The following USP38 variants were observed in gnomAD, a reference collection of about 807,000 sequenced individuals.
USP38 encodes ubiquitin carboxyl-terminal hydrolase 38.
USP38 carries 49 observed loss-of-function variants against 94.3 expected under a neutral mutation model. The observed-to-expected ratio is 0.52, with a 90% confidence interval of 0.41 to 0.66. The LOEUF (loss-of-function observed/expected upper bound fraction) is 0.66, where lower values mean the gene tolerates loss of function less well. Ranked by LOEUF, USP38 falls within the 30% of genes least tolerant of loss-of-function variation. USP38 has a pLI of 0.00. For synonymous variants in USP38, 468 were observed against 463.6 expected (o/e 1.01, Z -0.12); for missense variants, 1,128 against 1,229.4 (o/e 0.92, Z 1.23).
At chr4:143,209,498 A>G in intron 6 of USP38, 66 bp from the exon 7 acceptor site, 2 of 1,037,210 alleles carry the variant, frequency 1.9e-6, no homozygotes, top group Non-Finnish European at 2.8e-6. Flanking sequence ...TCAAAAAAAA[A>G]AAAAGCTTTT....
In USP38 at chr4:143,203,434, T is replaced by G. The variant is rs768885693; in HGVS notation, c.1077T>G (p.Val359=). The G allele has an allele frequency of 1.4e-5, 22 of 1,612,620 alleles. No homozygotes were observed. Among genetic ancestry groups the G allele is most frequent in the Non-Finnish European group, 1.7e-5 (20 of 1,179,350 alleles). Reference sequence around the variant, plus strand: ...TTGTTCCTCATGTGGTTAATTTGGTTCATTCTTTCAAAAATGATGGTCTGC... The same window carrying G: ...TTGTTCCTCATGTGGTTAATTTGGTGCATTCTTTCAAAAATGATGGTCTGC... The part of the protein sequence containing the change: ...HLIVPHVVNL[V]HSFKNDGLPS... The change falls in exon 5 of 10, where the codon GTT becomes GTG. Residue 359 remains valine, a synonymous_variant. Transcript: ENST00000307017.
intron 2 of USP38, among the ~76,000 whole-genome samples, chr4:143,190,142 G>A (rs560502602): frequency 1.3e-5 from 2 of 152,104 alleles, no homozygotes; most frequent in Non-Finnish European, 2.9e-5. Context: ...CTTTCTCTTT[G>A]GGATGAATGT....
chr4:143,188,865 A>G (rs891025735), intron 2 of USP38, among the ~76,000 whole-genome samples: 4 of 152,112 alleles, frequency 2.6e-5, no homozygotes, highest in African/African-American at 7.2e-5. Context: ...AGATGTTTAA[A>G]TGTAGAAATG....
intron 7 of USP38, among the ~76,000 whole-genome samples, chr4:143,209,956 A>T (rs1050710517): frequency 6.6e-6 from 1 of 152,228 alleles, no homozygotes; most frequent in Non-Finnish European, 1.5e-5. Flanking sequence ...CCTATCCAAT[A>T]AATAAGTTCC....
At position 143,185,919 on chromosome 4, in the gene USP38, T is replaced by A; in HGVS notation, c.469T>A (p.Cys157Ser). ...CGACCTTCTGACCGACTTTGTGCAA[T>A]GCATCCCCAAGGGGAAATTGTCCAT... The part of the protein sequence containing the change: ...LSDLLTDFVQ[C>S]IPKGKLSITF... The change falls in exon 1 of 10, where the codon TGC becomes AGC. Residue 157 changes from cysteine to serine, a missense_variant. Cys to Ser is a moderately radical substitution (Grantham distance 112, BLOSUM62 -1). Transcript: ENST00000307017. 6.2e-7 allele frequency: 1 copy of A among 1,614,198 alleles called. No individual in the cohort carries two copies. The highest frequency in any genetic ancestry group is 8.5e-7 in the Non-Finnish European group (1 of 1,180,034).
rs1732111932 is a variant in USP38 at position 143,214,074 on chromosome 4, A to G, written c.2098A>G (p.Ile700Val). 1 of 1,613,630 alleles carries G rather than the reference A, an allele frequency of 6.2e-7. No individual in the cohort carries two copies. The highest frequency in any genetic ancestry group is 8.5e-7 in the Non-Finnish European group (1 of 1,179,800). Residue 700 changes from isoleucine (I) to valine (V), a missense_variant, in exon 9 of 10, where the codon ATT (isoleucine) becomes GTT (valine). Ile to Val is a conservative substitution (Grantham distance 29). Transcript: ENST00000307017. ...TTCTGTCCCTAACGAATCTAACAAG[A>G]TTCTTGTTAATAAAGATGTACCTCA... The part of the protein sequence containing the change: ...NTSVPNESNK[I>V]LVNKDVPQKP...
chr4:143,205,537 T>C (rs1731835728), intron 5 of USP38, among the ~76,000 whole-genome samples: 1 of 152,212 alleles, frequency 6.6e-6, no homozygotes, highest in Admixed American at 6.5e-5. Context: ...CATTTCTCAT[T>C]TCTTAATTAC....
At chr4:143,193,904 C>T (rs1731471357) in intron 2 of USP38, among the ~76,000 whole-genome samples, 1 of 152,100 alleles carries the variant, frequency 6.6e-6, no homozygotes, top group Non-Finnish European at 1.5e-5. Context: ...CAGGCAACCC[C>T]CTTGGTGAAA....
chr4:143,217,812 C>A (rs572834058), intron 9 of USP38, among the ~76,000 whole-genome samples: 1 of 152,180 alleles, frequency 6.6e-6, no homozygotes, highest in African/African-American at 2.4e-5. Context: ...AAACCATTCT[C>A]TACTCTGTGT....
Position 143,185,974 on chromosome 4 carries a change from T to C in USP38, c.524T>C (p.Ile175Thr), listed in dbSNP as rs1038778643. The C allele has an allele frequency of 1.9e-6, 3 of 1,614,068 alleles. No homozygotes were observed. The African/African-American group carries it at 4.0e-5, about 22-fold the overall frequency. ...TTCTGTCAACAGCTGGTTCGAACGA[T>C]AGGCCATTTCCAGTGCGTGTCCACC... is the stretch of plus-strand genomic sequence containing the variant. ...ITFCQQLVRT[I>T]GHFQCVSTQE... The change falls in exon 1 of 10, where the codon ATA becomes ACA. Residue 175 changes from isoleucine (I) to threonine (T), a missense_variant. Physicochemically the swap from Ile to Thr is moderately conservative, Grantham distance 89. Coordinates refer to ENST00000307017, the MANE Select transcript of USP38 (RefSeq NM_032557.6).
At chr4:143,188,012 AGTATTTT>A in intron 2 of USP38, 51 bp downstream of exon 2, 3 of 1,541,752 alleles carry the variant, frequency 1.9e-6, no homozygotes, top group Non-Finnish European at 2.6e-6. Context: ...GGGAAGAGGA[AGTATTTT>A]GTATTTTGTG....
chr4:143,206,877 A>C (rs1298040192), intron 6 of USP38, among the ~76,000 whole-genome samples: 1 of 152,116 alleles, frequency 6.6e-6, no homozygotes, highest in East Asian at 1.9e-4. Flanking sequence ...TCTGCCGGTC[A>C]GTATTTTGGT....
intron 9 of USP38, among the ~76,000 whole-genome samples, chr4:143,216,004 CCTT>C (rs1174780487): frequency 1.3e-5 from 2 of 151,988 alleles, no homozygotes; most frequent in Admixed American, 6.6e-5. Flanking sequence ...TCAACTGTGT[CCTT>C]CTTACTAGAT....
chr4:143,185,362 C>T lies in USP38; in HGVS notation c.-89C>T. 4.9e-6 allele frequency: 7 copies of T among 1,417,886 alleles called. No homozygotes were observed. Among genetic ancestry groups the T allele is most frequent in the Non-Finnish European group, 5.6e-6 (6 of 1,062,578 alleles). 87.8% of individuals were successfully genotyped at this position (1,417,886 alleles called of 1,614,324 possible). ...CGCTGCTGCTGCGGCGCTCCAAGTT[C>T]ATCTCCGCCCCGGGGCTCTCCTGCC... On this transcript the variant is annotated 5_prime_UTR_variant, in exon 1 of 10. Coordinates refer to ENST00000307017, the MANE Select transcript of USP38 (RefSeq NM_032557.6).
intron 9 of USP38, chr4:143,215,713 A>AT (rs1466268846): frequency 6.6e-6 from 1 of 152,108 alleles, no homozygotes; most frequent in African/African-American, 2.4e-5. Flanking sequence ...CATTTTGAAA[A>AT]TTCTGTGTTT....
At chr4:143,209,502 A>T in intron 6 of USP38, 62 bp from the exon 7 acceptor site, 1 of 1,015,288 alleles carries the variant, frequency 9.8e-7, no homozygotes, top group Non-Finnish European at 1.4e-6. Flanking sequence ...AAAAAAAAAA[A>T]GCTTTTAATA....
rs772996889 is a variant in USP38, at chr4:143,206,182, A to G, written c.1359A>G (p.Thr453=). ...CTGGTCTTATTAACCTAGGAAATAC[A>G]TGTTATATGAACAGTGTTATACAAG... ...GKTGLINLGN[T]CYMNSVIQAL... is the part of the protein sequence containing the mutation. The change falls in exon 6 of 10, where the codon ACA becomes ACG. Residue 453 remains threonine, a synonymous_variant. Coordinates refer to ENST00000307017, the MANE Select transcript of USP38 (RefSeq NM_032557.6). 3.7e-6 allele frequency: 6 copies of G among 1,613,410 alleles called. No individual in the cohort carries two copies. In the South Asian group the frequency reaches 6.6e-5, roughly 18 times the overall value.
chr4:143,216,098 A>G (rs1391354018), intron 9 of USP38, among the ~76,000 whole-genome samples: 1 of 152,086 alleles, frequency 6.6e-6, no homozygotes, highest in African/African-American at 2.4e-5. Context: ...TAGAATCCCA[A>G]ATGCTTGTAT....
rs532283411 is a variant in USP38 at position 143,202,614 on chromosome 4, C to T, written c.1051-794C>T. On this transcript the variant is annotated intron_variant, in intron 4 of 9. Coordinates refer to ENST00000307017, the MANE Select transcript of USP38 (RefSeq NM_032557.6). Reference sequence around the variant, plus strand: ...ATAGAAGTTGTTTCATTTTAATAACCTCCTAAAGATATGATTGGCTCTGGA... The same window carrying T: ...ATAGAAGTTGTTTCATTTTAATAACTTCCTAAAGATATGATTGGCTCTGGA... 4.6e-5 allele frequency among the ~76,000 whole-genome samples: 7 copies of T among 152,014 alleles called. 1 individual carries two copies. Among genetic ancestry groups the T allele is most frequent in the African/African-American group, 1.7e-4 (7 of 41,496 alleles).
Sources: gnomAD v4.1 joint callset for allele counts (sites outside exome capture counted in the v4.1 genomes callset) on GRCh38, gnomAD v4.1.1 for gene constraint, MANE v1.5 for transcripts, NCBI Gene and HGNC (gene_info 2026-07-23, HGNC 2026-07-21) for gene names.